IMPG1: variants seen among roughly 807,000 people sequenced by gnomAD.
The protein encoded by IMPG1 is interphotoreceptor matrix proteoglycan of 150 kDa.
A neutral mutation model predicts 92.0 loss-of-function variants in IMPG1; 85 were observed. That is an observed-to-expected ratio of 0.92 (90% CI 0.78 to 1.11). The LOEUF is 1.11. Among genes scored for constraint, IMPG1 ranks in the 50% least tolerant of loss-of-function variants. The pLI, the probability that IMPG1 is intolerant of heterozygous loss-of-function variation, is 0.00. For missense variants in IMPG1, 1,022 were observed against 956.0 expected, an observed-to-expected ratio of 1.07 and a Z score of -0.91; for synonymous variants, 367 against 334.1, an observed-to-expected ratio of 1.10 and a Z score of -1.08.
At chr6:75,977,705 C>G (rs1418050445) in intron 12 of IMPG1, among the ~76,000 whole-genome samples, 1 of 151,958 alleles carries the variant, frequency 6.6e-6, no homozygotes, top group Non-Finnish European at 1.5e-5. Context: ...GTGCTAACAA[C>G]AAACTTTGAA....
chr6:76,013,247 A>AAT (rs1783221976), intron 7 of IMPG1, among the ~76,000 whole-genome samples: 1 of 151,262 alleles, frequency 6.6e-6, no homozygotes, highest in Non-Finnish European at 1.5e-5. Flanking sequence ...GGCATTTAAG[A>AAT]CCCTCCAGAA....
At chr6:75,923,848 G>A (rs981758583) in intron 15 of IMPG1, 142 bp from the exon 16 acceptor site, 2 of 562,126 alleles carry the variant, frequency 3.6e-6, no homozygotes, top group African/African-American at 1.9e-5. Flanking sequence ...TTCCGTTTGA[G>A]TTGGAAGAAG....
intron 12 of IMPG1, among the ~76,000 whole-genome samples, chr6:76,002,518 C>T (rs931966747): frequency 5.3e-5 from 8 of 152,142 alleles, no homozygotes; most frequent in Non-Finnish European, 8.8e-5. Context: ...TTGTAAAGGC[C>T]CAGTCCACGG....
intron 14 of IMPG1, among the ~76,000 whole-genome samples, chr6:75,932,409 C>G (rs1582049905): frequency 6.6e-6 from 1 of 152,150 alleles, no homozygotes. Context: ...AATATTTTCC[C>G]TAGGTATTTT....
chr6:76,022,351 T>C, intron 5 of IMPG1, 132 bp from the exon 6 acceptor site: 1 of 457,476 alleles, frequency 2.2e-6, no homozygotes, highest in South Asian at 2.0e-5. Context: ...TGAACTCATC[T>C]TTTTAAGATC....
chr6:75,940,743 CA>C (rs143851551), intron 14 of IMPG1, among the ~76,000 whole-genome samples: 3,111 of 152,268 alleles, frequency 0.02, 49 homozygotes, highest in Middle Eastern at 0.048. Context: ...CCCTTCCTTC[CA>C]ATCTGAGCTA....
intron 2 of IMPG1, among the ~76,000 whole-genome samples, chr6:76,038,153 G>C (rs1281601391): frequency 1.3e-5 from 2 of 152,122 alleles, no homozygotes; most frequent in Non-Finnish European, 2.9e-5. Flanking sequence ...TGGCTGCGGG[G>C]ACTGAGGTTG....
chr6:75,991,151 G>C (rs1782807148), intron 12 of IMPG1, among the ~76,000 whole-genome samples: 1 of 152,126 alleles, frequency 6.6e-6, no homozygotes, highest in Non-Finnish European at 1.5e-5. Flanking sequence ...CCAGGACTTT[G>C]GGAGGCCGAG....
chr6:76,006,369 T>A (rs1469910936), intron 9 of IMPG1, among the ~76,000 whole-genome samples: 1 of 148,204 alleles, frequency 6.7e-6, no homozygotes, highest in Non-Finnish European at 1.5e-5. Context: ...ATTATGCATA[T>A]ACACATATAT....
At position 75,979,331 on chromosome 6, in the gene IMPG1, C is replaced by A. The variant is rs373205752; in HGVS notation, c.1291+23587G>T. On this transcript the variant is annotated intron_variant, in intron 12 of 16. Coordinates refer to ENST00000369950, the MANE Select transcript of IMPG1 (RefSeq NM_001563.4). ...TTGGTAGCTTGGCAAGGTGCTACAG[C>A]CAATATATGTTGTGTAGAGGTGGAT... is the stretch of plus-strand genomic sequence containing the variant. 3.0e-4 allele frequency among the ~76,000 whole-genome samples: 46 copies of A among 152,188 alleles called. No homozygotes were observed. The East Asian group carries it at 7.9e-3, about 26-fold the overall frequency.
In IMPG1 at chr6:76,025,998, G is replaced by T. The variant is rs554488704; in HGVS notation, c.498-740C>A. Among the ~76,000 whole-genome samples the T allele has an allele frequency of 2.0e-5, 3 of 152,304 alleles. No individual in the cohort carries two copies. In the East Asian group the frequency reaches 5.8e-4, roughly 29 times the overall value. ...AAACTCCAACTGGCCTGCCCTCAGG[G>T]ATGGAGCCTTGGGAAGTTTGTGCAG... On this transcript the variant is annotated intron_variant, in intron 4 of 16. Transcript: ENST00000369950.
intron 12 of IMPG1, among the ~76,000 whole-genome samples, chr6:75,977,093 G>A (rs1782550274): frequency 6.6e-6 from 1 of 151,996 alleles, no homozygotes; most frequent in Non-Finnish European, 1.5e-5. Flanking sequence ...TATATTGAAG[G>A]ACAGCTGTTA....
At chr6:75,969,148 A>C (rs1179193525) in intron 12 of IMPG1, among the ~76,000 whole-genome samples, 1 of 152,124 alleles carries the variant, frequency 6.6e-6, no homozygotes, top group African/African-American at 2.4e-5. Context: ...ACCAGGGGCC[A>C]GGGGGAGGGG....
chr6:76,030,708 A>G (rs554463951), intron 4 of IMPG1, among the ~76,000 whole-genome samples: 1 of 150,874 alleles, frequency 6.6e-6, no homozygotes, highest in South Asian at 2.1e-4. Flanking sequence ...GGAATCCTTA[A>G]ATAGGCCTCT....
At chr6:75,982,541 A>ATATCTATCCATCTATC (rs1554231044) in intron 12 of IMPG1, among the ~76,000 whole-genome samples, 1 of 146,628 alleles carries the variant, frequency 6.8e-6, no homozygotes, top group African/African-American at 2.5e-5. Flanking sequence ...AAAAATGTGT[A>ATATCTATCCATCTATC]TATCTATCTA....
chr6:75,982,385 GC>G (rs1782640868), intron 12 of IMPG1, among the ~76,000 whole-genome samples: 1 of 151,794 alleles, frequency 6.6e-6, no homozygotes, highest in South Asian at 2.1e-4. Flanking sequence ...TACTAAAAGT[GC>G]AAAAATTAGC....
At chr6:75,992,214 C>T (rs1164354376) in intron 12 of IMPG1, among the ~76,000 whole-genome samples, 1 of 152,216 alleles carries the variant, frequency 6.6e-6, no homozygotes, top group East Asian at 1.9e-4. Context: ...GTTTTCCAGC[C>T]TGCCACCTGC....
intron 12 of IMPG1, among the ~76,000 whole-genome samples, chr6:75,988,803 T>C (rs984332282): frequency 6.6e-6 from 1 of 152,164 alleles, no homozygotes; most frequent in Non-Finnish European, 1.5e-5. Flanking sequence ...AATGCCCAAG[T>C]TGCAGTTCCA....
At chr6:75,924,015 T>C (rs1043343388) in intron 15 of IMPG1, among the ~76,000 whole-genome samples, 4 of 152,100 alleles carry the variant, frequency 2.6e-5, no homozygotes, top group African/African-American at 9.7e-5. Flanking sequence ...TAATGGCATA[T>C]TGTTAATAAA....
Sources: gnomAD v4.1 joint callset for allele counts (sites outside exome capture counted in the v4.1 genomes callset) on GRCh38, gnomAD v4.1.1 for gene constraint, MANE v1.5 for transcripts, NCBI Gene and HGNC (gene_info 2026-07-23, HGNC 2026-07-21) for gene names.